The following SLC66A3 variants were observed in gnomAD, a reference collection of about 807,000 sequenced individuals.
The protein encoded by SLC66A3 is solute carrier family 66 member 3, also known as PQ loop repeat containing 3.
SLC66A3 carries 23 observed loss-of-function variants against 25.5 expected under a neutral mutation model. That is an observed-to-expected ratio of 0.90 (90% CI 0.65 to 1.28). SLC66A3 has a LOEUF of 1.28. SLC66A3 is among the 50% of genes most tolerant of loss of function. The pLI, the probability that SLC66A3 is intolerant of heterozygous loss-of-function variation, is 0.00. For synonymous variants in SLC66A3, 108 were observed against 112.6 expected (o/e 0.96, Z 0.26); for missense variants, 246 against 262.1 (o/e 0.94, Z 0.42).
chr2:11,169,262 G>C (rs908120650), intron 4 of SLC66A3, among the ~76,000 whole-genome samples: 2 of 152,116 alleles, frequency 1.3e-5, no homozygotes, highest in African/African-American at 2.4e-5. Flanking sequence ...TTATTATTAA[G>C]GATTTATTCC....
intron 4 of SLC66A3, among the ~76,000 whole-genome samples, chr2:11,166,622 G>A (rs1296235859): frequency 6.6e-6 from 1 of 152,236 alleles, no homozygotes; most frequent in Non-Finnish European, 1.5e-5. Context: ...GAGGTGGGGT[G>A]GCTCACGTCT....
intron 1 of SLC66A3, among the ~76,000 whole-genome samples, chr2:11,158,478 C>T (rs1441911534): frequency 3.9e-5 from 6 of 152,220 alleles, no homozygotes; most frequent in Admixed American, 1.3e-4. Flanking sequence ...CTGGCTAACA[C>T]GGTGAAACCC....
chr2:11,168,490 T>G (rs1216840223), intron 4 of SLC66A3, among the ~76,000 whole-genome samples: 1 of 152,186 alleles, frequency 6.6e-6, no homozygotes, highest in African/African-American at 2.4e-5. Context: ...GTAGAATATC[T>G]AGCAGGCAAG....
At chr2:11,160,375 C>T (rs1022427707) in intron 1 of SLC66A3, 91 bp from the exon 2 acceptor site, 16 of 1,103,400 alleles carry the variant, frequency 1.5e-5, no homozygotes, top group African/African-American at 3.1e-5. Flanking sequence ...TGCAAGGATT[C>T]GGCAAACTGA....
chr2:11,171,920 A>G lies in SLC66A3; in HGVS notation c.355-5A>G, dbSNP rs369684257. On this transcript the variant is annotated splice_polypyrimidine_tract_variant and splice_region_variant and intron_variant, in intron 4 of 6. Coordinates refer to ENST00000295083, the MANE Select transcript of SLC66A3 (RefSeq NM_152391.5). ...GTGACTTTCTCACATTTTATCTGCA[A>G]ACAGAATCTATGTACTTTCATCAGC... The G allele has an allele frequency of 5.3e-5, 86 of 1,613,702 alleles. No homozygotes were observed. The African/African-American group carries it at 9.2e-4, about 17-fold the overall frequency.
chr2:11,173,359 C>G lies in SLC66A3; in HGVS notation c.475+1314C>G, dbSNP rs1662619920. ...TTTTTTAATTGGGTCATTTGAGTTTCTTACATATTCTGGTCATTAACCCTT... is the reference window on the plus strand; with the variant it reads ...TTTTTTAATTGGGTCATTTGAGTTTGTTACATATTCTGGTCATTAACCCTT... On this transcript the variant is annotated intron_variant, in intron 5 of 6. Transcript: ENST00000295083. Among the ~76,000 whole-genome samples, 2 of 152,170 alleles carry G rather than the reference C, an allele frequency of 1.3e-5. 1 individual carries two copies. The highest frequency in any genetic ancestry group is 2.9e-5 in the Non-Finnish European group (2 of 68,034).
chr2:11,160,016 T>C (rs1285018591), intron 1 of SLC66A3, among the ~76,000 whole-genome samples: 1 of 152,096 alleles, frequency 6.6e-6, no homozygotes, highest in Non-Finnish European at 1.5e-5. Context: ...CCAGGGATGG[T>C]TGCGGCTCCT....
chr2:11,163,867 A>C (rs1345647474), intron 3 of SLC66A3, among the ~76,000 whole-genome samples: 2 of 152,250 alleles, frequency 1.3e-5, no homozygotes, highest in African/African-American at 4.8e-5. Context: ...TTAAGTGCTT[A>C]GCTTTTGACC....
intron 4 of SLC66A3, among the ~76,000 whole-genome samples, chr2:11,170,513 C>T (rs548337301): frequency 2.2e-5 from 3 of 133,656 alleles, no homozygotes; most frequent in African/African-American, 7.8e-5. Context: ...GCTGAGGTGC[C>T]GCGGCTTGCT....
chr2:11,167,453 CA>C (rs1662384703), intron 4 of SLC66A3, among the ~76,000 whole-genome samples: 1 of 152,140 alleles, frequency 6.6e-6, no homozygotes, highest in South Asian at 2.1e-4. Context: ...AAAAACAAAA[CA>C]AAACAAAAGA....
intron 4 of SLC66A3, among the ~76,000 whole-genome samples, chr2:11,166,697 C>T (rs746460073): frequency 2.0e-5 from 3 of 152,128 alleles, no homozygotes; most frequent in Non-Finnish European, 4.4e-5. Flanking sequence ...TGGAGGCCAG[C>T]CTGGCCAACA....
At chr2:11,174,715 G>C (rs964715572) in intron 5 of SLC66A3, among the ~76,000 whole-genome samples, 2 of 152,024 alleles carry the variant, frequency 1.3e-5, no homozygotes, top group Non-Finnish European at 2.9e-5. Flanking sequence ...TGGCCAGGCT[G>C]GTCTCGAACT....
chr2:11,173,463 TTCTG>T (rs751264861), intron 5 of SLC66A3, among the ~76,000 whole-genome samples: 5 of 152,246 alleles, frequency 3.3e-5, no homozygotes, highest in African/African-American at 9.6e-5. Context: ...AACTGAAGTC[TTCTG>T]TCTACTTATA....
chr2:11,167,443 AAAAAC>A (rs1236344528), intron 4 of SLC66A3, among the ~76,000 whole-genome samples: 5 of 152,330 alleles, frequency 3.3e-5, no homozygotes, highest in South Asian at 2.1e-4. Context: ...ACTCCATTTC[AAAAAC>A]AAAACAAAAC....
chr2:11,166,411 C>T (rs897178888), intron 4 of SLC66A3, among the ~76,000 whole-genome samples: 1 of 152,154 alleles, frequency 6.6e-6, no homozygotes, highest in Non-Finnish European at 1.5e-5. Context: ...AACTGGTGGT[C>T]ACAGGGCACT....
In SLC66A3 at chr2:11,155,500, C is replaced by T. The variant is rs1417432302; in HGVS notation, c.-47C>T. ...GCAGAGCTGCGCCGCCGAGGCTGAG[C>T]GGTCCCTTCTCGCTGCGGCCGCCCA... On this transcript the variant is annotated 5_prime_UTR_variant, in exon 1 of 7. Transcript: ENST00000295083. The T allele has an allele frequency of 3.4e-6, 5 of 1,453,240 alleles. No individual in the cohort carries two copies. The Admixed American group carries it at 8.0e-5, about 23-fold the overall frequency. 90.0% of individuals were successfully genotyped at this position (1,453,240 alleles called of 1,614,324 possible).
At chr2:11,160,784 G>A (rs1478853136) in intron 3 of SLC66A3, 90 bp downstream of exon 3, 1 of 1,522,860 alleles carries the variant, frequency 6.6e-7, no homozygotes, top group East Asian at 2.3e-5. Context: ...TACCAGATGT[G>A]TATTTTTTGG....
At position 11,164,186 on chromosome 2, in the gene SLC66A3, C is replaced by A; in HGVS notation, c.297-18C>A. 6.5e-7 allele frequency: 1 copy of A among 1,549,530 alleles called. No homozygotes were observed. The highest frequency in any genetic ancestry group is 1.2e-5 in the South Asian group (1 of 84,296). ...GGATGTGGGTGACCCACTGCTGTGTCCCTTAGCACTTGGTAAGATTGGTGT... is the reference window on the plus strand; with the variant it reads ...GGATGTGGGTGACCCACTGCTGTGTACCTTAGCACTTGGTAAGATTGGTGT... On this transcript the variant is annotated intron_variant, in intron 3 of 6. Coordinates refer to ENST00000295083, the MANE Select transcript of SLC66A3 (RefSeq NM_152391.5).
chr2:11,165,149 C>T (rs1268556387), intron 4 of SLC66A3, among the ~76,000 whole-genome samples: 1 of 150,682 alleles, frequency 6.6e-6, no homozygotes, highest in Non-Finnish European at 1.5e-5. Context: ...GGGCGGCTGG[C>T]CGGGCGGGGG....
Sources: gnomAD v4.1 joint callset for allele counts (sites outside exome capture counted in the v4.1 genomes callset) on GRCh38, gnomAD v4.1.1 for gene constraint, MANE v1.5 for transcripts, NCBI Gene and HGNC (gene_info 2026-07-23, HGNC 2026-07-21) for gene names.